Variants in DPP10 observed in about 807,000 individuals in gnomAD.
The protein encoded by DPP10 is dipeptidyl peptidase like 10.
DPP10 carries 33 observed loss-of-function variants against 120.9 expected under a neutral mutation model. The ratio of observed to expected loss-of-function variants is 0.27; its 90% CI spans 0.21 to 0.37. The LOEUF (loss-of-function observed/expected upper bound fraction) is 0.37, where lower values mean the gene tolerates loss of function less well. DPP10 is among the 10% of genes least tolerant of loss of function. The probability of loss-of-function intolerance (pLI) is 1.00; values close to 1 mark genes in which losing one functional copy is unlikely to be tolerated. For synonymous variants in DPP10, 337 were observed against 326.1 expected, an observed-to-expected ratio of 1.03 and a Z score of -0.36; for missense variants, 816 against 942.8, an observed-to-expected ratio of 0.87 and a Z score of 1.76.
At chr2:114,964,841 T>C (rs548879026) in intron 1 of DPP10, among the ~76,000 whole-genome samples, 1 of 152,196 alleles carries the variant, frequency 6.6e-6, no homozygotes, top group Non-Finnish European at 1.5e-5. Flanking sequence ...AGAGAACCGA[T>C]GGTTAAAACT....
intron 3 of DPP10, among the ~76,000 whole-genome samples, chr2:115,483,305 G>T (rs997499771): frequency 6.6e-6 from 1 of 152,046 alleles, no homozygotes; most frequent in Admixed American, 6.6e-5. Flanking sequence ...GATGACAAAA[G>T]TAAATTACAG....
chr2:114,554,538 A>G (rs1688137752), intron 1 of DPP10, among the ~76,000 whole-genome samples: 3 of 152,192 alleles, frequency 2.0e-5, no homozygotes, highest in Non-Finnish European at 4.4e-5. Flanking sequence ...GAAGGTAGCA[A>G]TAGTTGACAT....
At chr2:115,382,394 G>A (rs1479633054) in intron 3 of DPP10, among the ~76,000 whole-genome samples, 2 of 152,200 alleles carry the variant, frequency 1.3e-5, no homozygotes, top group East Asian at 3.9e-4. Context: ...CCTGAGTGAG[G>A]CAATGCCTCG....
At chr2:114,465,862 T>G (rs556598130) in intron 1 of DPP10, among the ~76,000 whole-genome samples, 6 of 152,180 alleles carry the variant, frequency 3.9e-5, no homozygotes, top group Admixed American at 1.3e-4. Flanking sequence ...CAAAATCTGT[T>G]TTTCTAGGCA....
chr2:115,274,847 T>C (rs945337938), intron 1 of DPP10, among the ~76,000 whole-genome samples: 1 of 152,220 alleles, frequency 6.6e-6, no homozygotes, highest in Non-Finnish European at 1.5e-5. Context: ...TTCTTGTCTT[T>C]CCTCTCGTTA....
At chr2:114,673,836 TA>T in intron 1 of DPP10, among the ~76,000 whole-genome samples, 1 of 152,272 alleles carries the variant, frequency 6.6e-6, no homozygotes, top group East Asian at 1.9e-4. Context: ...AGATTTTTTT[TA>T]AATCTGCACT....
At chr2:115,325,884 T>G (rs538181671) in intron 2 of DPP10, among the ~76,000 whole-genome samples, 2 of 152,136 alleles carry the variant, frequency 1.3e-5, no homozygotes, top group East Asian at 3.9e-4. Flanking sequence ...TCTGACCTGA[T>G]AAAGACACAT....
chr2:114,812,703 C>T (rs966286157), intron 1 of DPP10, among the ~76,000 whole-genome samples: 2 of 151,844 alleles, frequency 1.3e-5, no homozygotes, highest in African/African-American at 4.8e-5. Context: ...CCGACTTTCA[C>T]CTCCACAGTC....
intron 1 of DPP10, among the ~76,000 whole-genome samples, chr2:114,642,835 C>G (rs1695811819): frequency 6.6e-6 from 1 of 151,904 alleles, no homozygotes; most frequent in African/African-American, 2.4e-5. Context: ...TCAAACAGAA[C>G]CCAGATCTCA....
chr2:114,870,948 G>A lies in DPP10; in HGVS notation c.60+428110G>A, dbSNP rs922372300. On this transcript the variant is annotated intron_variant, in intron 1 of 25. Coordinates refer to ENST00000410059, the MANE Select transcript of DPP10 (RefSeq NM_020868.6). The stretch of plus-strand genomic sequence containing the variant: ...AAGGGTTGGGGTAGTGTCTCCGCAT[G>A]GTCAGAGGTGTCAGTGACATCTACC... 1.5e-5 allele frequency among the ~76,000 whole-genome samples: 2 copies of A among 131,486 alleles called. 1 individual carries two copies. The highest frequency in any genetic ancestry group is 3.3e-5 in the Non-Finnish European group (2 of 60,320). 86.3% of individuals were successfully genotyped at this position (131,486 alleles called of 152,430 possible). A position where few individuals can be genotyped will look rare whatever the true frequency, so the allele number is the denominator to read the frequency against.
chr2:115,432,701 CT>C (rs755841273), intron 3 of DPP10, among the ~76,000 whole-genome samples: 1 of 54,328 alleles, frequency 1.8e-5, no homozygotes, highest in Non-Finnish European at 4.9e-5. Context: ...GTGTGTGTGT[CT>C]TTTAGCTCAG....
intron 5 of DPP10, among the ~76,000 whole-genome samples, chr2:115,529,043 G>A (rs1256797173): frequency 6.6e-6 from 1 of 151,900 alleles, no homozygotes. Flanking sequence ...ACTGGGTGAA[G>A]AACACCTGTG....
At chr2:115,152,203 GCCTGTCACAAATACT>G (rs1394016386) in intron 1 of DPP10, among the ~76,000 whole-genome samples, 1 of 152,150 alleles carries the variant, frequency 6.6e-6, no homozygotes, top group Non-Finnish European at 1.5e-5. Context: ...AGGCCATATG[GCCTGTCACAAATACT>G]TAACATTGCC....
chr2:115,166,525 A>ATC, intron 1 of DPP10, among the ~76,000 whole-genome samples: 1 of 139,040 alleles, frequency 7.2e-6, no homozygotes, highest in Non-Finnish European at 1.5e-5. Context: ...TATAATATAA[A>ATC]TATATATATA....
intron 1 of DPP10, among the ~76,000 whole-genome samples, chr2:114,625,967 G>A (rs1694476145): frequency 6.6e-6 from 1 of 151,132 alleles, no homozygotes; most frequent in South Asian, 2.1e-4. Flanking sequence ...TTATTTCTAG[G>A]TCTTTACATT....
At chr2:115,643,681 A>G (rs1367795690) in intron 5 of DPP10, among the ~76,000 whole-genome samples, 1 of 152,218 alleles carries the variant, frequency 6.6e-6, no homozygotes, top group Non-Finnish European at 1.5e-5. Flanking sequence ...AAATGTTGCT[A>G]GATTCATCAT....
intron 1 of DPP10, among the ~76,000 whole-genome samples, chr2:114,777,980 T>C (rs1301287119): frequency 6.6e-6 from 1 of 152,102 alleles, no homozygotes; most frequent in Non-Finnish European, 1.5e-5. Context: ...AAATTTGAAT[T>C]TGTCGTGTCT....
intron 1 of DPP10, among the ~76,000 whole-genome samples, chr2:114,517,619 C>T (rs1573545464): frequency 6.6e-6 from 1 of 152,042 alleles, no homozygotes; most frequent in African/African-American, 2.4e-5. Flanking sequence ...TACCAGTTTA[C>T]ATTATGGTTT....
intron 1 of DPP10, among the ~76,000 whole-genome samples, chr2:114,769,284 T>C (rs1681032715): frequency 6.6e-6 from 1 of 152,074 alleles, no homozygotes; most frequent in African/African-American, 2.4e-5. Context: ...GAGCTGGTGG[T>C]TAACTGTTGG....
Sources: gnomAD v4.1 joint callset for allele counts (sites outside exome capture counted in the v4.1 genomes callset) on GRCh38, gnomAD v4.1.1 for gene constraint, MANE v1.5 for transcripts, NCBI Gene and HGNC (gene_info 2026-07-23, HGNC 2026-07-21) for gene names.